EPHB1: variants seen among roughly 807,000 people sequenced by gnomAD.
EPHB1 encodes ephrin type-B receptor 1.
Under a neutral mutation model 94.4 loss-of-function variants are expected in EPHB1, and 30 were observed. The ratio of observed to expected loss-of-function variants is 0.32; its 90% confidence interval spans 0.24 to 0.43. EPHB1 has a LOEUF of 0.43. EPHB1 is among the 20% of genes least tolerant of loss of function. The probability of loss-of-function intolerance (pLI) is 1.00; values close to 1 mark genes in which losing one functional copy is unlikely to be tolerated. For missense variants in EPHB1, 1,055 were observed against 1,308.3 expected, an observed-to-expected ratio of 0.81 and a Z score of 2.99; for synonymous variants, 522 against 489.1, an observed-to-expected ratio of 1.07 and a Z score of -0.89.
intron 1 of EPHB1, among the ~76,000 whole-genome samples, chr3:134,835,484 T>A (rs1249056692): frequency 6.6e-6 from 1 of 152,228 alleles, no homozygotes; most frequent in East Asian, 1.9e-4. Context: ...TGCCAGTGCC[T>A]TTACTTGCAT....
chr3:134,913,394 A>C (rs1485898578), intron 1 of EPHB1, among the ~76,000 whole-genome samples: 3 of 152,174 alleles, frequency 2.0e-5, no homozygotes, highest in Non-Finnish European at 2.9e-5. Context: ...TACTGTAAAG[A>C]GAAAACCTGC....
chr3:135,157,388 A>T (rs1184694167), intron 6 of EPHB1, among the ~76,000 whole-genome samples: 1 of 152,234 alleles, frequency 6.6e-6, no homozygotes, highest in African/African-American at 2.4e-5. Context: ...AAGCTCCTCT[A>T]CTACCTTTCC....
chr3:134,982,276 T>G (rs1160396584), intron 3 of EPHB1, among the ~76,000 whole-genome samples: 1 of 152,134 alleles, frequency 6.6e-6, no homozygotes, highest in East Asian at 1.9e-4. Flanking sequence ...TGATTTCTGA[T>G]CATTGGATTC....
intron 13 of EPHB1, among the ~76,000 whole-genome samples, chr3:135,242,750 A>G (rs1943816241): frequency 6.6e-6 from 1 of 152,146 alleles, no homozygotes; most frequent in Non-Finnish European, 1.5e-5. Context: ...TTCTGTCTAT[A>G]CCAGCTGCTA....
In EPHB1 at chr3:135,106,595, C is replaced by T; in HGVS notation, c.953C>T (p.Ala318Val). The change falls in exon 4 of 16, where the codon GCA (alanine) becomes GTA (valine). Residue 318 changes from alanine (A) to valine (V), a missense_variant. Transcript: ENST00000398015. ...YRADFDPPEV[A>V]CTSVPSGPRN... ...GCGGACTTTGACCCTCCAGAAGTGGCATGCACTAGTAAGTGTCTAGTAATG... is the reference window on the plus strand; with the variant it reads ...GCGGACTTTGACCCTCCAGAAGTGGTATGCACTAGTAAGTGTCTAGTAATG... 4 of 1,614,030 alleles carry T rather than the reference C, an allele frequency of 2.5e-6. No homozygotes were observed. The highest frequency in any genetic ancestry group is 3.4e-6 in the Non-Finnish European group (4 of 1,179,890).
chr3:134,947,711 A>G (rs992682134), intron 2 of EPHB1, among the ~76,000 whole-genome samples: 1 of 152,244 alleles, frequency 6.6e-6, no homozygotes, highest in Non-Finnish European at 1.5e-5. Flanking sequence ...GCTGGGTCTT[A>G]TAATACCAAT....
At position 134,875,381 on chromosome 3, in the gene EPHB1, G is replaced by A. The variant is rs192596855; in HGVS notation, c.59-50435G>A. ...AGATTGGGCAGATGGAGGCACTACC[G>A]GCAATGGAGACGGGCATGTGGGCAG... On this transcript the variant is annotated intron_variant, in intron 1 of 15. Coordinates refer to ENST00000398015, the MANE Select transcript of EPHB1 (RefSeq NM_004441.5). Among the ~76,000 whole-genome samples, 65 of 152,306 alleles carry A rather than the reference G, an allele frequency of 4.3e-4. No individual in the cohort carries two copies. The South Asian group carries it at 7.9e-3, about 18-fold the overall frequency.
chr3:135,246,284 G>A (rs1204284818), intron 13 of EPHB1, among the ~76,000 whole-genome samples: 2 of 152,100 alleles, frequency 1.3e-5, no homozygotes, highest in Non-Finnish European at 2.9e-5. Flanking sequence ...CATTCAATGG[G>A]TAATCCCACT....
chr3:134,827,977 T>C (rs1410499532), intron 1 of EPHB1, among the ~76,000 whole-genome samples: 1 of 152,182 alleles, frequency 6.6e-6, no homozygotes, highest in East Asian at 1.9e-4. Context: ...TATGCTTTTT[T>C]TTCTGCCCTC....
intron 1 of EPHB1, among the ~76,000 whole-genome samples, chr3:134,855,516 C>T (rs2037093811): frequency 6.6e-6 from 1 of 152,200 alleles, no homozygotes; most frequent in Non-Finnish European, 1.5e-5. Context: ...GATGTAGCAG[C>T]ATGCACCCTC....
At chr3:134,921,099 A>G (rs543990797) in intron 1 of EPHB1, among the ~76,000 whole-genome samples, 1 of 152,208 alleles carries the variant, frequency 6.6e-6, no homozygotes, top group South Asian at 2.1e-4. Flanking sequence ...CTGCAAGTCA[A>G]GCCAGCCCTT....
intron 3 of EPHB1, among the ~76,000 whole-genome samples, chr3:135,029,602 C>G (rs1394491318): frequency 6.7e-6 from 1 of 150,078 alleles, no homozygotes; most frequent in Non-Finnish European, 1.5e-5. Flanking sequence ...CGCTGTTAGT[C>G]TGATGGGCTT....
chr3:134,875,946 A>T (rs2037607815), intron 1 of EPHB1, among the ~76,000 whole-genome samples: 1 of 152,092 alleles, frequency 6.6e-6, no homozygotes, highest in Admixed American at 6.5e-5. Context: ...TAAACTGCAC[A>T]CTTGGTCTTG....
rs780511611 is a variant in EPHB1 at position 135,192,812 on chromosome 3, T to G, written c.2119T>G (p.Ser707Ala). Residue 707 changes from serine to alanine, a missense_variant, in exon 11 of 16, where the codon TCT becomes GCT. By Grantham distance (99) the Ser-to-Ala change is moderately conservative. Transcript: ENST00000398015. ...TEFMENGALD[S>A]FLRQNDGQFT... The stretch of plus-strand genomic sequence containing the variant: ...GTTCATGGAGAATGGTGCATTGGAT[T>G]CTTTCCTCAGGGTAAGAGCAACTCA... 1 of 1,613,890 alleles carries G rather than the reference T, an allele frequency of 6.2e-7. No homozygotes were observed. The highest frequency in any genetic ancestry group is 8.5e-7 in the Non-Finnish European group (1 of 1,179,798).
intron 4 of EPHB1, among the ~76,000 whole-genome samples, chr3:135,116,484 G>A (rs1444361466): frequency 2.0e-5 from 3 of 152,010 alleles, no homozygotes; most frequent in Admixed American, 6.5e-5. Context: ...ATTTCATTTG[G>A]CCAGAGACCA....
At chr3:134,845,753 C>T (rs1441627724) in intron 1 of EPHB1, among the ~76,000 whole-genome samples, 1 of 152,174 alleles carries the variant, frequency 6.6e-6, no homozygotes, top group Non-Finnish European at 1.5e-5. Flanking sequence ...TTTTATTTTT[C>T]CTGCCACTAT....
In EPHB1 at chr3:134,962,230, A is replaced by C. The variant is rs570339157; in HGVS notation, c.805+10178A>C. Reference sequence around the variant, plus strand: ...TTACCATTTGCATTTGACTTTGCAAAGTTCCATAAACTGCCCTGTTCAGGA... The same window carrying C: ...TTACCATTTGCATTTGACTTTGCAACGTTCCATAAACTGCCCTGTTCAGGA... On this transcript the variant is annotated intron_variant, in intron 3 of 15. Transcript: ENST00000398015. Among the ~76,000 whole-genome samples the C allele has an allele frequency of 2.0e-5, 3 of 152,306 alleles. No homozygotes were observed. The South Asian group carries it at 6.2e-4, about 32-fold the overall frequency.
At chr3:134,856,593 G>A (rs1200140393) in intron 1 of EPHB1, among the ~76,000 whole-genome samples, 1 of 152,208 alleles carries the variant, frequency 6.6e-6, no homozygotes, top group Non-Finnish European at 1.5e-5. Context: ...TACTCAGTAT[G>A]GTAGCCACCA....
chr3:135,075,184 G>A (rs1937866390), intron 3 of EPHB1, among the ~76,000 whole-genome samples: 1 of 152,150 alleles, frequency 6.6e-6, no homozygotes, highest in African/African-American at 2.4e-5. Flanking sequence ...CCAGCCCTGG[G>A]CTTCCTTTTC....
Sources: gnomAD v4.1 joint callset for allele counts (sites outside exome capture counted in the v4.1 genomes callset) on GRCh38, gnomAD v4.1.1 for gene constraint, MANE v1.5 for transcripts, NCBI Gene and HGNC (gene_info 2026-07-23, HGNC 2026-07-21) for gene names.